Variants in CHRM3 observed in about 807,000 individuals in gnomAD.
CHRM3 encodes the protein cholinergic receptor muscarinic 3.
A neutral mutation model predicts 41.8 loss-of-function variants in CHRM3; 11 were observed. That is an observed-to-expected ratio of 0.26 (90% CI 0.17 to 0.44). The LOEUF (loss-of-function observed/expected upper bound fraction) is 0.44, where lower values mean the gene tolerates loss of function less well. Among genes scored for constraint, CHRM3 ranks in the 20% least tolerant of loss-of-function variants. CHRM3 has a pLI of 1.00. For synonymous variants in CHRM3, 297 were observed against 301.4 expected (o/e 0.99, Z 0.15); for missense variants, 571 against 745.4 (o/e 0.77, Z 2.72).
At chr1:239,585,387 C>T (rs1473325932) in intron 3 of CHRM3, among the ~76,000 whole-genome samples, 1 of 152,132 alleles carries the variant, frequency 6.6e-6, no homozygotes, top group Non-Finnish European at 1.5e-5. Flanking sequence ...AGATTTTGAG[C>T]AGTTGTATCT....
chr1:239,640,891 T>C (rs1330663349), intron 4 of CHRM3, among the ~76,000 whole-genome samples: 1 of 149,130 alleles, frequency 6.7e-6, no homozygotes, highest in Non-Finnish European at 1.5e-5. Context: ...CTGCTTTCTC[T>C]TGTGGGCATT....
chr1:239,512,183 C>A (rs1013524165), intron 2 of CHRM3, among the ~76,000 whole-genome samples: 1 of 152,140 alleles, frequency 6.6e-6, no homozygotes, highest in Non-Finnish European at 1.5e-5. Flanking sequence ...TTGGTGAAAA[C>A]CACAGTTCAC....
At chr1:239,739,591 A>G (rs796955884) in intron 5 of CHRM3, among the ~76,000 whole-genome samples, 8 of 152,286 alleles carry the variant, frequency 5.3e-5, no homozygotes, top group African/African-American at 1.9e-4. Flanking sequence ...TAATGCTAAT[A>G]AGGCTGGGAC....
At chr1:239,445,864 G>A (rs74149071) in intron 1 of CHRM3, among the ~76,000 whole-genome samples, 4,423 of 152,132 alleles carry the variant, frequency 0.029, 201 homozygotes, top group African/African-American at 0.1. Flanking sequence ...GGGAAATGGA[G>A]GCAAAGCTGC....
chr1:239,654,879 TGTAAA>T (rs1438310652), intron 4 of CHRM3, among the ~76,000 whole-genome samples: 2 of 152,150 alleles, frequency 1.3e-5, no homozygotes, highest in Non-Finnish European at 2.9e-5. Flanking sequence ...ATACTGGAAA[TGTAAA>T]GGAAAGGACA....
intron 4 of CHRM3, among the ~76,000 whole-genome samples, chr1:239,641,252 G>A (rs1170677483): frequency 6.6e-6 from 1 of 151,984 alleles, no homozygotes; most frequent in African/African-American, 2.4e-5. Flanking sequence ...TTGATTTGGG[G>A]TGGAGAGTTC....
chr1:239,461,254 C>T (rs921435399), intron 1 of CHRM3, among the ~76,000 whole-genome samples: 9 of 152,166 alleles, frequency 5.9e-5, no homozygotes, highest in East Asian at 1.9e-4. Flanking sequence ...AAATTAAATG[C>T]GCTTTTTCCC....
chr1:239,759,169 GT>G (rs568446013), intron 5 of CHRM3, among the ~76,000 whole-genome samples: 6,364 of 101,926 alleles, frequency 0.062, 170 homozygotes, highest in African/African-American at 0.13. Context: ...TTTTTTTTTT[GT>G]TTTTTTTTTT....
At chr1:239,786,931 T>C (rs1028078261) in intron 5 of CHRM3, among the ~76,000 whole-genome samples, 4 of 152,102 alleles carry the variant, frequency 2.6e-5, no homozygotes, top group Admixed American at 2.6e-4. Context: ...TGAAGGACAT[T>C]GTGCAAGCAA....
intron 5 of CHRM3, among the ~76,000 whole-genome samples, chr1:239,756,025 T>G (rs1303589243): frequency 6.6e-6 from 1 of 152,088 alleles, no homozygotes; most frequent in Non-Finnish European, 1.5e-5. Flanking sequence ...CCTTTGAAAG[T>G]GAGAACTTTT....
chr1:239,762,936 G>A (rs1015840488), intron 5 of CHRM3, among the ~76,000 whole-genome samples: 14 of 152,130 alleles, frequency 9.2e-5, no homozygotes, highest in African/African-American at 3.4e-4. Flanking sequence ...TGTAAGAATG[G>A]CAGAGTATAA....
chr1:239,698,490 T>C (rs1445215576), intron 5 of CHRM3, among the ~76,000 whole-genome samples: 2 of 152,190 alleles, frequency 1.3e-5, no homozygotes, highest in Non-Finnish European at 2.9e-5. Flanking sequence ...ACACTTCATC[T>C]ACAAAGAGTG....
chr1:239,459,353 T>C (rs558868358), intron 1 of CHRM3, among the ~76,000 whole-genome samples: 1 of 152,162 alleles, frequency 6.6e-6, no homozygotes, highest in Non-Finnish European at 1.5e-5. Context: ...GAAAATACAT[T>C]GGATTTAAAA....
At chr1:239,435,105 G>A (rs750177294) in intron 1 of CHRM3, among the ~76,000 whole-genome samples, 4 of 152,066 alleles carry the variant, frequency 2.6e-5, no homozygotes, top group East Asian at 3.9e-4. Flanking sequence ...GTAACTTTTC[G>A]GAAATTAAAG....
chr1:239,615,914 A>G (rs563747881), intron 3 of CHRM3, among the ~76,000 whole-genome samples: 5 of 152,168 alleles, frequency 3.3e-5, no homozygotes, highest in Non-Finnish European at 7.3e-5. Context: ...ACTTTTGAAC[A>G]TGACTTTGAA....
chr1:239,756,834 T>G (rs1036637191), intron 5 of CHRM3, among the ~76,000 whole-genome samples: 2 of 146,122 alleles, frequency 1.4e-5, no homozygotes, highest in African/African-American at 5.6e-5. Flanking sequence ...TAATATAATA[T>G]TTTCACATAA....
chr1:239,698,936 A>G (rs1043998413), intron 5 of CHRM3, among the ~76,000 whole-genome samples: 1 of 152,164 alleles, frequency 6.6e-6, no homozygotes, highest in Non-Finnish European at 1.5e-5. Flanking sequence ...TCACACACTT[A>G]CTTCTTTCAG....
chr1:239,669,931 T>C (rs1160563881), intron 4 of CHRM3, among the ~76,000 whole-genome samples: 2 of 152,212 alleles, frequency 1.3e-5, no homozygotes, highest in African/African-American at 4.8e-5. Flanking sequence ...AATGCTGGAT[T>C]ATTTTAGAAA....
intron 3 of CHRM3, among the ~76,000 whole-genome samples, chr1:239,554,839 C>G (rs942718971): frequency 1.3e-5 from 2 of 150,788 alleles, no homozygotes; most frequent in African/African-American, 4.9e-5. Flanking sequence ...AAGCAATTCT[C>G]CTGCCTCAGC....
Sources: gnomAD v4.1 joint callset for allele counts (sites outside exome capture counted in the v4.1 genomes callset) on GRCh38, gnomAD v4.1.1 for gene constraint, MANE v1.5 for transcripts, NCBI Gene and HGNC (gene_info 2026-07-23, HGNC 2026-07-21) for gene names.